ZNF438: variants seen among roughly 807,000 people sequenced by gnomAD.
ZNF438 encodes zinc finger protein 438.
ZNF438 carries 25 observed loss-of-function variants against 38.0 expected under a neutral mutation model. The observed-to-expected ratio is 0.66, with a 90% CI of 0.48 to 0.92. The LOEUF is 0.92. Among genes scored for constraint, ZNF438 ranks in the 40% least tolerant of loss-of-function variants. The pLI is 0.00. For missense variants in ZNF438, 1,007 were observed against 999.6 expected, an observed-to-expected ratio of 1.01 and a Z score of -0.10; for synonymous variants, 372 against 364.1, an observed-to-expected ratio of 1.02 and a Z score of -0.25.
chr10:30,847,649 T>C (rs2032536638), intron 5 of ZNF438, among the ~76,000 whole-genome samples: 1 of 152,166 alleles, frequency 6.6e-6, no homozygotes, highest in Non-Finnish European at 1.5e-5. Context: ...AGCTCTGTCC[T>C]GGGAGCCCCC....
intron 1 of ZNF438, among the ~76,000 whole-genome samples, chr10:31,009,925 T>C (rs1355065141): frequency 6.7e-6 from 1 of 149,024 alleles, no homozygotes; most frequent in African/African-American, 2.5e-5. Flanking sequence ...CTCGGCTCAC[T>C]GCAACCTCCA....
chr10:31,020,339 A>T (rs2056499970), intron 1 of ZNF438, among the ~76,000 whole-genome samples: 1 of 152,188 alleles, frequency 6.6e-6, no homozygotes, highest in Non-Finnish European at 1.5e-5. Flanking sequence ...AACAAAAGAG[A>T]GTCTCAAGTT....
At chr10:30,977,712 C>T (rs939715458) in intron 1 of ZNF438, among the ~76,000 whole-genome samples, 15 of 152,116 alleles carry the variant, frequency 9.9e-5, no homozygotes, top group Non-Finnish European at 7.4e-5. Flanking sequence ...GGGCCCGGCA[C>T]GGTGGCTCAC....
intron 1 of ZNF438, among the ~76,000 whole-genome samples, chr10:31,022,186 A>C (rs767189749): frequency 7.9e-5 from 12 of 152,174 alleles, no homozygotes; most frequent in Non-Finnish European, 1.0e-4. Context: ...TCCCAAAACC[A>C]AACTTGCACC....
rs142346319 is a variant in ZNF438 at position 30,848,552 on chromosome 10, C to T, written c.1853G>A (p.Gly618Asp). Residue 618 changes from glycine to aspartate, a missense_variant, in exon 5 of 6, where the codon GGC becomes GAC. By Grantham distance (94) the Gly-to-Asp change is moderately conservative. Transcript: ENST00000413025. ...TCACCTCTCCAATGATCCCTCCATG[C>T]CTCGCACACTCATGTCTCTGTTCTT... 2.3e-3 allele frequency: 3,764 copies of T among 1,613,420 alleles called. 5 individuals carry two copies. Among genetic ancestry groups the T allele is most frequent in the Admixed American group, 2.8e-3 (168 of 60,006 alleles).
At position 30,994,438 on chromosome 10, in the gene ZNF438, G is replaced by A. The variant is rs114718166; in HGVS notation, c.-192+37395C>T. Among the ~76,000 whole-genome samples, 922 of 152,242 alleles carry A rather than the reference G, an allele frequency of 6.1e-3. 10 individuals carry two copies. Among genetic ancestry groups the A allele is most frequent in the African/African-American group, 0.021 (879 of 41,532 alleles). The stretch of plus-strand genomic sequence containing the variant: ...AGTTACTGGATTAATGGGTTATCAC[G>A]CAGGTAGGCTAGCTATCACAAGAGT... On this transcript the variant is annotated intron_variant, in intron 1 of 5. Coordinates refer to ENST00000413025, the Ensembl canonical transcript of ZNF438.
intron 1 of ZNF438, among the ~76,000 whole-genome samples, chr10:30,946,506 C>G (rs1388380259): frequency 6.6e-6 from 1 of 152,056 alleles, no homozygotes; most frequent in African/African-American, 2.4e-5. Flanking sequence ...AAGAAAAAAA[C>G]AAACAACCCC....
intron 3 of ZNF438, among the ~76,000 whole-genome samples, chr10:30,885,465 T>C (rs1473980462): frequency 6.6e-6 from 1 of 152,242 alleles, no homozygotes; most frequent in Non-Finnish European, 1.5e-5. Flanking sequence ...CAAATGCTAC[T>C]ATGTGCTAGA....
intron 1 of ZNF438, among the ~76,000 whole-genome samples, chr10:31,024,771 G>A (rs1431599950): frequency 6.6e-6 from 1 of 152,138 alleles, no homozygotes; most frequent in Non-Finnish European, 1.5e-5. Flanking sequence ...CACATTTTAT[G>A]GGCTGTTTGT....
At chr10:31,029,192 T>C (rs1024704041) in intron 1 of ZNF438, among the ~76,000 whole-genome samples, 24 of 152,210 alleles carry the variant, frequency 1.6e-4, no homozygotes, top group African/African-American at 5.5e-4. Flanking sequence ...AACCTCTTTT[T>C]GCCTCTATTT....
At chr10:30,959,679 C>T (rs927914285) in intron 1 of ZNF438, among the ~76,000 whole-genome samples, 9 of 145,502 alleles carry the variant, frequency 6.2e-5, no homozygotes, top group East Asian at 3.9e-4. Context: ...ACCCGGGAGG[C>T]GGAGCTTGTA....
chr10:31,017,965 T>G (rs967253280), intron 1 of ZNF438, among the ~76,000 whole-genome samples: 4 of 152,256 alleles, frequency 2.6e-5, no homozygotes, highest in African/African-American at 9.6e-5. Flanking sequence ...CAGCCACAGC[T>G]AACATGTCAT....
At chr10:30,859,534 T>G (rs2035237051) in intron 4 of ZNF438, among the ~76,000 whole-genome samples, 2 of 152,176 alleles carry the variant, frequency 1.3e-5, no homozygotes, top group African/African-American at 4.8e-5. Flanking sequence ...AGAAAGACTG[T>G]GTGTTTTGGG....
Position 30,988,883 on chromosome 10 carries a change from G to A in ZNF438, c.-192+42950C>T, listed in dbSNP as rs572438936. ...ATAGGTTATGATGGCCAGCTGTTTG[G>A]TATAACACTAATCTAGATGTTGTGT... On this transcript the variant is annotated intron_variant, in intron 1 of 5. Transcript: ENST00000413025. Among the ~76,000 whole-genome samples the A allele has an allele frequency of 1.1e-4, 16 of 152,118 alleles. No homozygotes were observed. The South Asian group carries it at 2.3e-3, about 22-fold the overall frequency.
chr10:31,002,315 C>T (rs935373727), intron 1 of ZNF438, among the ~76,000 whole-genome samples: 1 of 152,156 alleles, frequency 6.6e-6, no homozygotes, highest in African/African-American at 2.4e-5. Flanking sequence ...AAAACTTCTT[C>T]ATTAAGTTCG....
chr10:30,889,049 C>CAT (rs1045523274), intron 3 of ZNF438, among the ~76,000 whole-genome samples: 5 of 152,130 alleles, frequency 3.3e-5, no homozygotes, highest in African/African-American at 7.2e-5. Flanking sequence ...CATGCACACA[C>CAT]ATATATATAC....
rs1392094485 is a variant in ZNF438 at position 30,952,473 on chromosome 10, A to C, written c.-191-10822T>G. Among the ~76,000 whole-genome samples the C allele has an allele frequency of 6.6e-5, 10 of 152,074 alleles. No homozygotes were observed. The East Asian group carries it at 1.2e-3, about 18-fold the overall frequency. ...ATCAGAGTGAACAGGCAACCTACAA[A>C]ATGGGAGAAAATTTTCGCAACCTAC... On this transcript the variant is annotated intron_variant, in intron 1 of 5. Coordinates refer to ENST00000413025, the Ensembl canonical transcript of ZNF438.
intron 1 of ZNF438, among the ~76,000 whole-genome samples, chr10:30,975,743 A>G (rs1478749120): frequency 1.3e-5 from 2 of 152,236 alleles, no homozygotes; most frequent in Non-Finnish European, 2.9e-5. Context: ...AATCAAAATA[A>G]TAAGTAATAG....
chr10:30,998,621 TGAA>T (rs2054318548), intron 1 of ZNF438, among the ~76,000 whole-genome samples: 2 of 137,796 alleles, frequency 1.5e-5, no homozygotes, highest in Middle Eastern at 4.2e-3. Flanking sequence ...TAGCTAGTAA[TGAA>T]GACGATTATG....
Sources: allele counts gnomAD v4.1 joint callset (sites outside exome capture counted in the v4.1 genomes callset), GRCh38; gene constraint gnomAD v4.1.1; transcripts MANE v1.5; gene names NCBI Gene and HGNC (gene_info 2026-07-23, HGNC 2026-07-21).